Variants in SMURF1 observed in about 807,000 individuals in gnomAD.
SMURF1 encodes the protein E3 ubiquitin-protein ligase SMURF1.
SMURF1 carries 44 observed loss-of-function variants against 98.0 expected under a neutral mutation model. The observed-to-expected ratio is 0.45, with a 90% CI of 0.35 to 0.58. SMURF1 has a LOEUF of 0.58. Among genes scored for constraint, SMURF1 ranks in the 20% least tolerant of loss-of-function variants. The pLI, the probability that SMURF1 is intolerant of heterozygous loss-of-function variation, is 0.00. For missense variants in SMURF1, 687 were observed against 938.4 expected, an observed-to-expected ratio of 0.73 and a Z score of 3.50; for synonymous variants, 396 against 374.9, an observed-to-expected ratio of 1.06 and a Z score of -0.65.
chr7:99,143,654 G>A, intron 1 of SMURF1, 72 bp downstream of exon 1: 1 of 1,380,506 alleles, frequency 7.2e-7, no homozygotes, highest in Non-Finnish European at 9.7e-7. Context: ...CCGCTTCCAA[G>A]GGCGCCCTGC....
chr7:99,091,149 G>A (rs1187687769), intron 1 of SMURF1, among the ~76,000 whole-genome samples: 2 of 152,190 alleles, frequency 1.3e-5, no homozygotes, highest in African/African-American at 4.8e-5. Context: ...AGTAGTGAGT[G>A]CATATATACA....
chr7:99,034,273 GTGACCCTGGTCACCTC>G (rs1795035866), intron 16 of SMURF1, among the ~76,000 whole-genome samples: 1 of 152,230 alleles, frequency 6.6e-6, no homozygotes, highest in African/African-American at 2.4e-5. Context: ...GTTCGGGACT[GTGACCCTGGTCACCTC>G]TGACCCACCT....
At chr7:99,038,658 G>A (rs1795249254) in intron 13 of SMURF1, 133 bp from the exon 14 acceptor site, 1 of 981,858 alleles carries the variant, frequency 1.0e-6, no homozygotes, top group African/African-American at 1.6e-5. Flanking sequence ...CACAGAACCT[G>A]CGTGGGGGTG....
intron 1 of SMURF1, among the ~76,000 whole-genome samples, chr7:99,119,059 G>T (rs547096265): frequency 2.0e-5 from 2 of 100,568 alleles, no homozygotes; most frequent in Admixed American, 1.4e-4. Flanking sequence ...ACAGGGTCTC[G>T]CTATTTTGCC....
intron 1 of SMURF1, among the ~76,000 whole-genome samples, chr7:99,111,787 A>G (rs1797328543): frequency 6.6e-6 from 1 of 152,160 alleles, no homozygotes; most frequent in South Asian, 2.1e-4. Flanking sequence ...GGAGCAGAAC[A>G]TATCTTATTC....
At position 99,076,802 on chromosome 7, in the gene SMURF1, TGTGTGCAA is replaced by T. The variant is rs1421334294; in HGVS notation, c.56-14973_56-14966del. Among the ~76,000 whole-genome samples, 5 of 152,184 alleles carry T rather than the reference TGTGTGCAA, an allele frequency of 3.3e-5. 1 individual carries two copies. In the East Asian group the frequency reaches 5.8e-4, roughly 18 times the overall value. ...GCGTATGTACATGTGTGTGTGCGCA[TGTGTGCAA>T]GTGTGCATGTGTGCACGTGTGCCCA... On this transcript the variant is annotated intron_variant, in intron 1 of 17. Transcript: ENST00000361368.
At position 99,099,157 on chromosome 7, in the gene SMURF1, G is replaced by A. The variant is rs1797017720; in HGVS notation, c.56-37320C>T. ...GATGAGAAAAGGTCTTCTATGCAAT[G>A]TTAAGGAATTTGGACTTTGCCCTGG... On this transcript the variant is annotated intron_variant, in intron 1 of 17. Coordinates refer to ENST00000361368, the MANE Select transcript of SMURF1 (RefSeq NM_181349.3). Among the ~76,000 whole-genome samples, 5 of 151,190 alleles carry A rather than the reference G, an allele frequency of 3.3e-5. No homozygotes were observed. The South Asian group carries it at 1.0e-3, about 32-fold the overall frequency.
At chr7:99,035,737 G>T (rs368916708) in intron 15 of SMURF1, 21 bp from the exon 16 acceptor site, 16 of 1,610,502 alleles carry the variant, frequency 9.9e-6, no homozygotes, top group Non-Finnish European at 1.4e-5. Context: ...GCAGAAAGGT[G>T]AATTACTTCC....
In SMURF1 at chr7:99,029,762, G is replaced by T. The variant is rs1298043083; in HGVS notation, c.*822C>A. 1 of 152,128 alleles carries T rather than the reference G, an allele frequency of 6.6e-6. No individual in the cohort carries two copies. The highest frequency in any genetic ancestry group is 1.5e-5 in the Non-Finnish European group (1 of 68,062). 9.4% of individuals were successfully genotyped at this position (152,128 alleles called of 1,614,324 possible). On this transcript the variant is annotated 3_prime_UTR_variant, in exon 18 of 18. Transcript: ENST00000361368. ...AGAGGTCACAGCTTTGGGACTGACTGGTTGGCTCTAGGGCTGATTTTGGTC... is the reference window on the plus strand; with the variant it reads ...AGAGGTCACAGCTTTGGGACTGACTTGTTGGCTCTAGGGCTGATTTTGGTC...
chr7:99,054,102 GTTATTTT>G (rs1415806797), intron 6 of SMURF1, among the ~76,000 whole-genome samples: 1 of 151,740 alleles, frequency 6.6e-6, no homozygotes, highest in Non-Finnish European at 1.5e-5. Context: ...CAGCTAATTT[GTTATTTT>G]TTATTTTTTG....
In SMURF1 at chr7:99,033,068, T is replaced by G. The variant is rs529219822; in HGVS notation, c.2065A>C (p.Asn689His). 9 of 1,593,254 alleles carry G rather than the reference T, an allele frequency of 5.6e-6. No individual in the cohort carries two copies. Among genetic ancestry groups the G allele is most frequent in the Admixed American group, 5.3e-5 (3 of 56,684 alleles). The change falls in exon 17 of 18, where the codon AAC becomes CAC. Residue 689 changes from asparagine to histidine, a missense_variant. By Grantham distance (68) the Asn-to-His change is moderately conservative. Around this residue, in one of 2 missense-constraint regions of SMURF1, gnomAD observed 272 missense variants for 430.0 expected, o/e 0.63. Transcript: ENST00000361368. The part of the protein sequence containing the change: ...RLFTIHLIDA[N>H]TDNLPKAHTC... The stretch of plus-strand genomic sequence containing the variant: ...TGGGCCTTCGGAAGGTTGTCTGTGT[T>G]CGCGTCTATCAGGTGGATGGTGAAC...
At chr7:99,046,347 A>G (rs73145625) in intron 10 of SMURF1, among the ~76,000 whole-genome samples, 4,290 of 152,318 alleles carry the variant, frequency 0.028, 74 homozygotes, top group Middle Eastern at 0.044. Context: ...CAGCACTTGA[A>G]GCAGAAGCCG....
intron 1 of SMURF1, among the ~76,000 whole-genome samples, chr7:99,068,800 AC>A (rs1380674661): frequency 2.0e-5 from 3 of 151,820 alleles, no homozygotes; most frequent in South Asian, 2.1e-4. Context: ...AGCCCCTTTT[AC>A]CCACCCCAGC....
At chr7:99,045,375 TTAAATTTCAGGAGCA>T (rs1934019342) in intron 11 of SMURF1, among the ~76,000 whole-genome samples, 1 of 152,226 alleles carries the variant, frequency 6.6e-6, no homozygotes. Context: ...GCCTCCTGTG[TTAAATTTCAGGAGCA>T]TGCTCCTCAT....
chr7:99,087,578 G>A (rs1357342933), intron 1 of SMURF1, among the ~76,000 whole-genome samples: 2 of 152,176 alleles, frequency 1.3e-5, no homozygotes, highest in Non-Finnish European at 2.9e-5. Context: ...TATTGTAAAA[G>A]GAGTATAAAA....
intron 1 of SMURF1, among the ~76,000 whole-genome samples, chr7:99,107,033 G>C (rs1166193755): frequency 6.6e-6 from 1 of 152,096 alleles, no homozygotes; most frequent in Non-Finnish European, 1.5e-5. Flanking sequence ...TGATGTTTTT[G>C]GTAAAAGTAC....
At chr7:99,054,136 G>T (rs1017179739) in intron 6 of SMURF1, among the ~76,000 whole-genome samples, 14 of 151,974 alleles carry the variant, frequency 9.2e-5, no homozygotes, top group Admixed American at 9.2e-4. Context: ...ACAAAGTCTC[G>T]CTATGTTGCC....
chr7:99,052,579 A>G, intron 6 of SMURF1, 133 bp from the exon 7 acceptor site: 1 of 1,002,482 alleles, frequency 1.0e-6, no homozygotes, highest in Non-Finnish European at 1.3e-6. Flanking sequence ...CCAGTGTTCC[A>G]AGGGCCTAGT....
At chr7:99,033,525 G>A (rs1055088443) in intron 16 of SMURF1, among the ~76,000 whole-genome samples, 2 of 152,140 alleles carry the variant, frequency 1.3e-5, no homozygotes, top group African/African-American at 4.8e-5. Context: ...GGCTGGTCTG[G>A]AACTCCTGGA....
Sources: allele counts gnomAD v4.1 joint callset (sites outside exome capture counted in the v4.1 genomes callset), GRCh38; gene constraint gnomAD v4.1.1; regional missense constraint gnomAD v4.1.1; transcripts MANE v1.5; gene names NCBI Gene and HGNC (gene_info 2026-07-23, HGNC 2026-07-21).